IL1RAPL2: variants seen among roughly 807,000 people sequenced by gnomAD.
IL1RAPL2 encodes interleukin 1 receptor accessory protein like 2, also known as X-linked interleukin-1 receptor accessory protein-like 2.
In IL1RAPL2, 3 loss-of-function variants were observed where a neutral mutation model predicts 44.1. The observed-to-expected ratio is 0.07, with a 90% CI of 0.03 to 0.18. IL1RAPL2 has a LOEUF of 0.18. IL1RAPL2 is among the 10% of genes least tolerant of loss of function. The pLI is 1.00. For missense variants in IL1RAPL2, 391 were observed against 496.4 expected, an observed-to-expected ratio of 0.79 and a Z score of 2.02; for synonymous variants, 181 against 178.8, an observed-to-expected ratio of 1.01 and a Z score of -0.10.
intron 2 of IL1RAPL2, among the ~76,000 whole-genome samples, chrX:104,884,785 C>T (rs1274787711): frequency 9.0e-6 from 1 of 111,549 alleles, no homozygotes; most frequent in Non-Finnish European, 1.9e-5. Flanking sequence ...CAATTTACAT[C>T]CCACAGGAGG....
At chrX:105,561,006 G>A (rs892693885) in intron 6 of IL1RAPL2, among the ~76,000 whole-genome samples, 10 of 111,330 alleles carry the variant, frequency 9.0e-5, no homozygotes, top group African/African-American at 2.3e-4. Context: ...AGGATATTAC[G>A]TTATGAAAGT....
chrX:105,141,849 TG>T (rs2033128334), intron 2 of IL1RAPL2, among the ~76,000 whole-genome samples: 1 of 112,231 alleles, frequency 8.9e-6, no homozygotes, highest in Non-Finnish European at 1.9e-5. Flanking sequence ...ATGTGTAGCC[TG>T]CTTAAAAGAA....
chrX:104,599,762 A>G, intron 1 of IL1RAPL2, among the ~76,000 whole-genome samples: 1 of 110,746 alleles, frequency 9.0e-6, no homozygotes, highest in Non-Finnish European at 1.9e-5. Flanking sequence ...CCATTTATTC[A>G]TCAATGAACT....
At chrX:104,582,093 A>C (rs979007972) in intron 1 of IL1RAPL2, among the ~76,000 whole-genome samples, 1 of 112,090 alleles carries the variant, frequency 8.9e-6, no homozygotes, top group Non-Finnish European at 1.9e-5. Context: ...CTTTCTGCCT[A>C]AATACTGCTG....
At chrX:104,964,259 T>C (rs896409495) in intron 2 of IL1RAPL2, among the ~76,000 whole-genome samples, 23 of 108,879 alleles carry the variant, frequency 2.1e-4, no homozygotes, top group African/African-American at 7.3e-4. Context: ...GCCTTTATCA[T>C]GGTACTACAT....
chrX:104,593,721 A>T (rs1027105985), intron 1 of IL1RAPL2, among the ~76,000 whole-genome samples: 1 of 112,179 alleles, frequency 8.9e-6, no homozygotes, highest in Non-Finnish European at 1.9e-5. Flanking sequence ...ATACCAAAAA[A>T]ATTGAAATTT....
chrX:104,647,862 C>A, intron 1 of IL1RAPL2: 1 of 613,862 alleles, frequency 1.6e-6, no homozygotes, highest in Admixed American at 2.3e-5. Flanking sequence ...ACCACAATGT[C>A]CTGTACTCCA....
At chrX:105,073,873 C>A (rs2032247154) in intron 2 of IL1RAPL2, among the ~76,000 whole-genome samples, 1 of 111,395 alleles carries the variant, frequency 9.0e-6, no homozygotes, top group South Asian at 3.8e-4. Context: ...CCTTTGCCCA[C>A]TTTTTGATGG....
intron 2 of IL1RAPL2, among the ~76,000 whole-genome samples, chrX:104,866,620 C>T (rs1922622409): frequency 8.9e-6 from 1 of 112,091 alleles, no homozygotes; most frequent in South Asian, 3.7e-4. Flanking sequence ...TTCTCTCTGA[C>T]TTTTCATGGG....
In IL1RAPL2 at chrX:104,711,205, A is replaced by G. The variant is rs1473350620; in HGVS notation, c.82+52210A>G. ...GCCTAGGAGCAATAGGCTGTACCAT[A>G]TGACCTATCTGTAGTAGGCTATAAT... On this transcript the variant is annotated intron_variant, in intron 2 of 10. Transcript: ENST00000372582. Among the ~76,000 whole-genome samples the G allele has an allele frequency of 2.7e-5, 3 of 111,825 alleles. No homozygotes were observed. The East Asian group carries it at 8.6e-4, about 32-fold the overall frequency.
chrX:104,635,859 C>A (rs1173186881), intron 1 of IL1RAPL2, among the ~76,000 whole-genome samples: 1 of 112,301 alleles, frequency 8.9e-6, no homozygotes, highest in Admixed American at 9.4e-5. Flanking sequence ...AGTCATTCTC[C>A]GTCCAGCTTT....
At chrX:105,712,566 T>C (rs1015743411) in intron 6 of IL1RAPL2, among the ~76,000 whole-genome samples, 1 of 111,108 alleles carries the variant, frequency 9.0e-6, no homozygotes, top group African/African-American at 3.3e-5. Flanking sequence ...TGGCAGGAGA[T>C]AGAGAGTGCA....
At chrX:105,644,012 C>T (rs1401989615) in intron 6 of IL1RAPL2, among the ~76,000 whole-genome samples, 2 of 111,470 alleles carry the variant, frequency 1.8e-5, no homozygotes, top group African/African-American at 6.5e-5. Context: ...ATGCCTCAGC[C>T]TCCTGAGTAG....
intron 2 of IL1RAPL2, among the ~76,000 whole-genome samples, chrX:105,178,564 T>C (rs775928952): frequency 7.1e-5 from 8 of 112,055 alleles, no homozygotes; most frequent in Non-Finnish European, 1.5e-4. Flanking sequence ...CTTTGGTAAA[T>C]TGCCATACTG....
At chrX:105,727,067 A>C in intron 7 of IL1RAPL2, among the ~76,000 whole-genome samples, 1 of 110,801 alleles carries the variant, frequency 9.0e-6, no homozygotes, top group Non-Finnish European at 1.9e-5. Context: ...CCCATCCTTA[A>C]TTTTATCAAT....
chrX:105,222,580 G>T (rs1054766194), intron 3 of IL1RAPL2, among the ~76,000 whole-genome samples: 2 of 112,127 alleles, frequency 1.8e-5, no homozygotes, highest in African/African-American at 6.5e-5. Flanking sequence ...GGTGAGGAAA[G>T]GGGGAGAGAC....
chrX:105,167,953 G>A, intron 2 of IL1RAPL2, among the ~76,000 whole-genome samples: 1 of 111,323 alleles, frequency 9.0e-6, no homozygotes, highest in Non-Finnish European at 1.9e-5. Flanking sequence ...GCACAGAGAG[G>A]TTATCTTAAT....
chrX:105,232,084 C>T (rs1556196368), intron 3 of IL1RAPL2, among the ~76,000 whole-genome samples: 3 of 111,866 alleles, frequency 2.7e-5, no homozygotes, highest in Non-Finnish European at 3.8e-5. Context: ...CCACAGTCTA[C>T]ATAGTGTGAT....
At chrX:104,771,087 C>G (rs974974021) in intron 2 of IL1RAPL2, among the ~76,000 whole-genome samples, 3 of 112,364 alleles carry the variant, frequency 2.7e-5, no homozygotes, top group Non-Finnish European at 3.8e-5. Flanking sequence ...AATACAATAT[C>G]CCCATGATCC....
Sources: allele counts gnomAD v4.1 joint callset (sites outside exome capture counted in the v4.1 genomes callset), GRCh38; gene constraint gnomAD v4.1.1; transcripts MANE v1.5; gene names NCBI Gene and HGNC (gene_info 2026-07-23, HGNC 2026-07-21).